MMP16: variants seen among roughly 807,000 people sequenced by gnomAD.
The protein encoded by MMP16 is matrix metalloproteinase-16.
In MMP16, 12 loss-of-function variants were observed where a neutral mutation model predicts 67.8. That is an observed-to-expected ratio of 0.18 (90% confidence interval 0.11 to 0.29). The LOEUF (loss-of-function observed/expected upper bound fraction) is 0.29, where lower values mean the gene tolerates loss of function less well. Among genes scored for constraint, MMP16 ranks in the 10% least tolerant of loss-of-function variants. The pLI, the probability that MMP16 is intolerant of heterozygous loss-of-function variation, is 1.00. For missense variants in MMP16, 475 were observed against 765.7 expected (o/e 0.62, Z 4.48); for synonymous variants, 249 against 255.9 (o/e 0.97, Z 0.26).
At chr8:88,126,626 T>C (rs1271924106) in intron 4 of MMP16, among the ~76,000 whole-genome samples, 3 of 151,888 alleles carry the variant, frequency 2.0e-5, no homozygotes, top group Admixed American at 6.6e-5. Flanking sequence ...ACTAACATGA[T>C]TGTGGTAATC....
At chr8:88,069,407 G>C (rs745981572) in intron 7 of MMP16, 1 of 523,500 alleles carries the variant, frequency 1.9e-6, no homozygotes, top group South Asian at 1.5e-5. Flanking sequence ...CATAGGTCTT[G>C]TGCTTTTCAG....
At chr8:88,295,094 A>C (rs2130028239) in intron 1 of MMP16, among the ~76,000 whole-genome samples, 1 of 152,322 alleles carries the variant, frequency 6.6e-6, no homozygotes, top group East Asian at 1.9e-4. Flanking sequence ...TAGTGTTGTA[A>C]GTATCCCCTT....
intron 1 of MMP16, among the ~76,000 whole-genome samples, chr8:88,248,930 T>C (rs1027046265): frequency 2.0e-5 from 3 of 152,108 alleles, no homozygotes; most frequent in Non-Finnish European, 4.4e-5. Flanking sequence ...TGTAATTGTT[T>C]TTGTTTTAGA....
chr8:88,043,470 A>C (rs1005801770), intron 9 of MMP16, among the ~76,000 whole-genome samples: 1 of 152,118 alleles, frequency 6.6e-6, no homozygotes, highest in African/African-American at 2.4e-5. Context: ...TTTAGTAGAG[A>C]CAGGGTTTCT....
intron 4 of MMP16, among the ~76,000 whole-genome samples, chr8:88,140,258 G>T (rs1473185221): frequency 6.6e-6 from 1 of 152,136 alleles, no homozygotes; most frequent in East Asian, 1.9e-4. Flanking sequence ...GAAACACAGT[G>T]ACTGTACTCT....
At chr8:88,308,001 A>G (rs963633773) in intron 1 of MMP16, among the ~76,000 whole-genome samples, 7 of 152,154 alleles carry the variant, frequency 4.6e-5, no homozygotes, top group African/African-American at 1.2e-4. Flanking sequence ...TGAAGGGAAG[A>G]AGCAGAAACT....
intron 3 of MMP16, among the ~76,000 whole-genome samples, chr8:88,181,366 C>A (rs868619428): frequency 2.4e-4 from 37 of 151,874 alleles, no homozygotes; most frequent in African/African-American, 8.7e-4. Flanking sequence ...ATATAAAAGT[C>A]AATTGCTTTT....
chr8:88,070,931 C>A (rs905673874), intron 7 of MMP16, among the ~76,000 whole-genome samples: 2 of 152,072 alleles, frequency 1.3e-5, no homozygotes, highest in African/African-American at 2.4e-5. Context: ...CATTATAGTG[C>A]ACTATTATGT....
chr8:88,057,349 G>A (rs925272248), intron 7 of MMP16, among the ~76,000 whole-genome samples: 3 of 152,084 alleles, frequency 2.0e-5, no homozygotes, highest in African/African-American at 7.2e-5. Context: ...CCAGGTTAGG[G>A]ATGATAGTAG....
intron 4 of MMP16, among the ~76,000 whole-genome samples, chr8:88,119,588 C>T (rs1001931949): frequency 6.6e-5 from 10 of 151,940 alleles, no homozygotes; most frequent in Admixed American, 6.6e-4. Flanking sequence ...ACAGTGAAAT[C>T]TATTGAGTAA....
chr8:88,113,360 A>G (rs1809373044), intron 6 of MMP16, among the ~76,000 whole-genome samples: 1 of 151,794 alleles, frequency 6.6e-6, no homozygotes, highest in South Asian at 2.1e-4. Context: ...AAAATTTAGG[A>G]GAAAATAAGT....
intron 6 of MMP16, among the ~76,000 whole-genome samples, chr8:88,092,275 C>T (rs995055259): frequency 2.6e-5 from 4 of 151,746 alleles, no homozygotes; most frequent in Non-Finnish European, 4.4e-5. Context: ...TGATGAAAAA[C>T]GTTATTTAGC....
Position 88,040,792 on chromosome 8 carries a change from A to G in MMP16, c.*669T>C, listed in dbSNP as rs1808120657. 1 of 152,644 alleles carries G rather than the reference A, an allele frequency of 6.6e-6. No homozygotes were observed. The highest frequency in any genetic ancestry group is 2.4e-5 in the African/African-American group (1 of 41,468). 9.5% of individuals were successfully genotyped at this position (152,644 alleles called of 1,614,324 possible). A position where few individuals can be genotyped will look rare whatever the true frequency, so the allele number is the denominator to read the frequency against. On this transcript the variant is annotated 3_prime_UTR_variant, in exon 10 of 10. Transcript: ENST00000286614. ...TTAAGGCTGTTACTATATTGCAGAT[A>G]TTTTGGCCCCTTGGTTGTTGGAAAA...
At chr8:88,264,827 A>G (rs1028889072) in intron 1 of MMP16, among the ~76,000 whole-genome samples, 3 of 152,254 alleles carry the variant, frequency 2.0e-5, no homozygotes, top group Non-Finnish European at 4.4e-5. Flanking sequence ...CTAATACAAC[A>G]ATATGGCATA....
chr8:88,167,275 C>T (rs144938198), intron 4 of MMP16, among the ~76,000 whole-genome samples: 344 of 151,940 alleles, frequency 2.3e-3, no homozygotes, highest in African/African-American at 8.0e-3. Flanking sequence ...AGCCAGACTG[C>T]AGATGCTAAT....
intron 6 of MMP16, among the ~76,000 whole-genome samples, chr8:88,075,247 T>C (rs993333754): frequency 1.3e-5 from 2 of 152,184 alleles, no homozygotes; most frequent in Non-Finnish European, 2.9e-5. Flanking sequence ...AAATGTATTT[T>C]TGGCTGATAA....
chr8:88,264,944 C>A (rs915838139), intron 1 of MMP16, among the ~76,000 whole-genome samples: 9 of 152,192 alleles, frequency 5.9e-5, no homozygotes, highest in African/African-American at 2.2e-4. Flanking sequence ...TTTCCAATGA[C>A]TTGGCAAGAC....
At chr8:88,206,952 T>G (rs1365398228) in intron 1 of MMP16, among the ~76,000 whole-genome samples, 3 of 152,104 alleles carry the variant, frequency 2.0e-5, no homozygotes, top group African/African-American at 7.2e-5. Flanking sequence ...ACAACATGGG[T>G]TTCAATCCAT....
intron 7 of MMP16, among the ~76,000 whole-genome samples, chr8:88,073,950 T>G (rs960425118): frequency 6.6e-6 from 1 of 152,314 alleles, no homozygotes. Flanking sequence ...GTCCCTGTGT[T>G]TTCTTTCACA....
Sources: allele counts gnomAD v4.1 joint callset (sites outside exome capture counted in the v4.1 genomes callset), GRCh38; gene constraint gnomAD v4.1.1; transcripts MANE v1.5; gene names NCBI Gene and HGNC (gene_info 2026-07-23, HGNC 2026-07-21).